The following XKR6 variants were observed in gnomAD, a reference collection of about 807,000 sequenced individuals.
The protein encoded by XKR6 is XK related 6.
In XKR6, 22 loss-of-function variants were observed where a neutral mutation model predicts 56.7. That is an observed-to-expected ratio of 0.39 (90% CI 0.28 to 0.55). XKR6 has a LOEUF of 0.55. Among genes scored for constraint, XKR6 ranks in the 20% least tolerant of loss-of-function variants. XKR6 has a pLI of 0.66. For missense variants in XKR6, 852 were observed against 889.0 expected, an observed-to-expected ratio of 0.96 and a Z score of 0.53; for synonymous variants, 524 against 387.8, an observed-to-expected ratio of 1.35 and a Z score of -4.13.
chr8:11,129,659 T>C (rs1800003314), intron 1 of XKR6, among the ~76,000 whole-genome samples: 1 of 152,238 alleles, frequency 6.6e-6, no homozygotes, highest in South Asian at 2.1e-4. Context: ...TTAAATGTTA[T>C]AAAACCTTGA....
intron 1 of XKR6, among the ~76,000 whole-genome samples, chr8:10,975,173 G>C (rs1025330445): frequency 3.9e-5 from 6 of 152,162 alleles, no homozygotes; most frequent in African/African-American, 1.4e-4. Context: ...TGTGCTGATA[G>C]CAATGGGGAA....
chr8:11,017,604 C>T (rs1049847155), intron 1 of XKR6, among the ~76,000 whole-genome samples: 1 of 152,224 alleles, frequency 6.6e-6, no homozygotes, highest in Non-Finnish European at 1.5e-5. Context: ...TCGAGAGGGG[C>T]TGACATTATG....
intron 1 of XKR6, among the ~76,000 whole-genome samples, chr8:11,163,222 T>C (rs543214150): frequency 1.3e-5 from 2 of 152,206 alleles, no homozygotes; most frequent in Non-Finnish European, 2.9e-5. Flanking sequence ...GTCGTAATAA[T>C]CACCATTCTT....
chr8:11,132,769 A>G (rs1392352771), intron 1 of XKR6, among the ~76,000 whole-genome samples: 3 of 140,336 alleles, frequency 2.1e-5, no homozygotes, highest in East Asian at 2.0e-4. Flanking sequence ...ACACGCACGC[A>G]CACACACACA....
intron 1 of XKR6, among the ~76,000 whole-genome samples, chr8:11,037,115 T>A (rs1202844495): frequency 6.6e-6 from 1 of 152,254 alleles, no homozygotes; most frequent in Admixed American, 6.5e-5. Context: ...ACACAACACT[T>A]CTCAAATTTC....
chr8:11,115,933 G>C (rs965055242), intron 1 of XKR6, among the ~76,000 whole-genome samples: 9 of 152,132 alleles, frequency 5.9e-5, no homozygotes, highest in Admixed American at 5.9e-4. Flanking sequence ...GAAATGTTTT[G>C]ACTCTGAAGT....
intron 1 of XKR6, among the ~76,000 whole-genome samples, chr8:11,099,789 T>C (rs1260020153): frequency 6.6e-6 from 1 of 152,018 alleles, no homozygotes; most frequent in African/African-American, 2.4e-5. Flanking sequence ...AAAACTATAA[T>C]GTGAGGTCAT....
intron 2 of XKR6, among the ~76,000 whole-genome samples, chr8:10,916,477 A>G (rs1800566955): frequency 6.6e-6 from 1 of 152,236 alleles, no homozygotes; most frequent in South Asian, 2.1e-4. Context: ...TTCACATAAG[A>G]AAAAAGAAAT....
At chr8:10,922,801 C>T (rs1177283868) in intron 2 of XKR6, among the ~76,000 whole-genome samples, 3 of 152,144 alleles carry the variant, frequency 2.0e-5, no homozygotes, top group Non-Finnish European at 4.4e-5. Context: ...AGTATGTGTG[C>T]ATGTGGGTGT....
At chr8:10,926,167 A>G (rs1800874553) in intron 1 of XKR6, among the ~76,000 whole-genome samples, 2 of 152,324 alleles carry the variant, frequency 1.3e-5, no homozygotes, top group South Asian at 4.1e-4. Flanking sequence ...GGTATTACCA[A>G]GAACACACTC....
At chr8:11,097,982 C>T (rs1393431390) in intron 1 of XKR6, among the ~76,000 whole-genome samples, 1 of 151,866 alleles carries the variant, frequency 6.6e-6, no homozygotes, top group African/African-American at 2.4e-5. Context: ...GTAATATCAA[C>T]TGGTGAGACT....
chr8:11,056,363 G>C (rs536966846), intron 1 of XKR6, among the ~76,000 whole-genome samples: 1 of 152,188 alleles, frequency 6.6e-6, no homozygotes, highest in South Asian at 2.1e-4. Context: ...ATTGCTAAAC[G>C]TGGGTTCCCC....
Position 11,201,111 on chromosome 8 carries a change from G to A in XKR6, c.229C>T (p.Leu77Phe), listed in dbSNP as rs1458290784. ...CTGCGGCGCGGCTTCCTGCCCAGGA[G>A]GGAGCGCAGGCAGGCGGAGCGGCAG... The part of the protein sequence containing the change: ...WGCRSACLRS[L>F]LGRKPRRSAA... The change falls in exon 1 of 3, where the codon CTC becomes TTC. Residue 77 changes from leucine to phenylalanine, a missense_variant. By Grantham distance (22) the Leu-to-Phe change is conservative. Transcript: ENST00000416569. The A allele has an allele frequency of 1.3e-5, 19 of 1,506,578 alleles. No homozygotes were observed. Among genetic ancestry groups the A allele is most frequent in the Admixed American group, 4.1e-5 (2 of 48,384 alleles). 93.3% of individuals were successfully genotyped at this position (1,506,578 alleles called of 1,614,324 possible).
rs1351773386 is a variant in XKR6 at position 11,200,373 on chromosome 8, G to A, written c.764+203C>T. ...CGGGGACGAGGACGGGCCAACGGCA[G>A]GTCTCGGCCTCCCCGGGCCAAAGGC... On this transcript the variant is annotated intron_variant, in intron 1 of 2. Coordinates refer to ENST00000416569, the MANE Select transcript of XKR6 (RefSeq NM_173683.4). The surrounding 1 kb of genome is among the most constrained non-coding windows in gnomAD (Gnocchi z 6.4). Among the ~76,000 whole-genome samples, 1 of 152,230 alleles carries A rather than the reference G, an allele frequency of 6.6e-6. No individual in the cohort carries two copies. The highest frequency in any genetic ancestry group is 2.4e-5 in the African/African-American group (1 of 41,468).
At chr8:11,144,221 AAAGT>A (rs1800861081) in intron 1 of XKR6, among the ~76,000 whole-genome samples, 1 of 86,198 alleles carries the variant, frequency 1.2e-5, no homozygotes, top group Non-Finnish European at 2.2e-5. Context: ...TTTTAAATAA[AAAGT>A]GTGTGTGTGT....
chr8:10,995,539 T>A (rs1798092047), intron 1 of XKR6, among the ~76,000 whole-genome samples: 1 of 148,964 alleles, frequency 6.7e-6, no homozygotes. Context: ...TATATATAAA[T>A]TAGCCAGGCA....
chr8:11,133,916 A>T (rs1318133861), intron 1 of XKR6, among the ~76,000 whole-genome samples: 2 of 151,890 alleles, frequency 1.3e-5, no homozygotes, highest in Non-Finnish European at 2.9e-5. Context: ...TCTAAACCCC[A>T]CAACTTTGTC....
chr8:11,161,885 C>T (rs1041168029), intron 1 of XKR6, among the ~76,000 whole-genome samples: 1 of 152,044 alleles, frequency 6.6e-6, no homozygotes, highest in Non-Finnish European at 1.5e-5. Context: ...GGTTAGCTTG[C>T]CTTTCTAAAG....
rs190119244 is a variant in XKR6 at position 10,941,077 on chromosome 8, G to A, written c.765-16247C>T. 4.3e-4 allele frequency among the ~76,000 whole-genome samples: 65 copies of A among 152,286 alleles called. 1 individual carries two copies. Among genetic ancestry groups the A allele is most frequent in the African/African-American group, 1.5e-3 (61 of 41,568 alleles). ...CTCGATGACTCCTGGAGGAGACTCA[G>A]TGGAGAGGAGTCTGAGGAGGCCACC... On this transcript the variant is annotated intron_variant, in intron 1 of 2. Transcript: ENST00000416569.
Sources: allele counts gnomAD v4.1 joint callset (sites outside exome capture counted in the v4.1 genomes callset), GRCh38; gene constraint gnomAD v4.1.1; non-coding constraint Gnocchi (gnomAD v3.1); transcripts MANE v1.5; gene names NCBI Gene and HGNC (gene_info 2026-07-23, HGNC 2026-07-21).